PTPRN: variants seen among roughly 807,000 people sequenced by gnomAD.
The protein encoded by PTPRN is protein tyrosine phosphatase receptor type N.
In PTPRN, 70 loss-of-function variants were observed where a neutral mutation model predicts 108.5. The observed-to-expected ratio is 0.65, with a 90% CI of 0.53 to 0.79. The LOEUF (loss-of-function observed/expected upper bound fraction) is 0.79, where lower values mean the gene tolerates loss of function less well. Ranked by LOEUF, PTPRN falls within the 30% of genes least tolerant of loss-of-function variation. The pLI is 0.00. For missense variants in PTPRN, 1,136 were observed against 1,295.5 expected (o/e 0.88, Z 1.89); for synonymous variants, 496 against 524.6 (o/e 0.95, Z 0.75).
In PTPRN at chr2:219,297,178, G is replaced by C. The variant is rs368295926; in HGVS notation, c.2089-46C>G. 11 of 1,611,202 alleles carry C rather than the reference G, an allele frequency of 6.8e-6. No homozygotes were observed. The highest frequency in any genetic ancestry group is 9.3e-6 in the Non-Finnish European group (11 of 1,178,194). Reference sequence around the variant, plus strand: ...GGCTCTGGCCCACACAGCCAGCCTGGCCTCTCTCACCATCCCATTCCTTCA... The same window carrying C: ...GGCTCTGGCCCACACAGCCAGCCTGCCCTCTCTCACCATCCCATTCCTTCA... On this transcript the variant is annotated intron_variant, in intron 14 of 22. Coordinates refer to ENST00000295718, the MANE Select transcript of PTPRN (RefSeq NM_002846.4). The surrounding 1 kb of genome is among the most constrained non-coding windows in gnomAD (Gnocchi z 6.0).
intron 19 of PTPRN, chr2:219,294,164 A>G (rs773474391): frequency 7.6e-6 from 4 of 525,956 alleles, no homozygotes; most frequent in South Asian, 5.7e-5. Context: ...TGAGAATACT[A>G]GCTGCAGATC....
rs370263020 is a variant in PTPRN, at chr2:219,300,277, G to A, written c.1162-18C>T. The A allele has an allele frequency of 1.2e-4, 192 of 1,543,516 alleles. No individual in the cohort carries two copies. The highest frequency in any genetic ancestry group is 1.6e-4 in the Non-Finnish European group (188 of 1,144,374). ...TCCATTGTCTGTTCAGAAGAGGGTG[G>A]AGGTGTGGCCTCTGGACAGTGCTGG... is the stretch of plus-strand genomic sequence containing the variant. On this transcript the variant is annotated intron_variant, in intron 8 of 22. Coordinates refer to ENST00000295718, the MANE Select transcript of PTPRN (RefSeq NM_002846.4).
Position 219,299,391 on chromosome 2 carries a change from G to C in PTPRN, c.1524-7C>G. ...GAGGGCTGGTCCCACCACACTGCCAGATAGGAGCTATGTTACTGCCTTCTC... is the reference window on the plus strand; with the variant it reads ...GAGGGCTGGTCCCACCACACTGCCACATAGGAGCTATGTTACTGCCTTCTC... On this transcript the variant is annotated splice_region_variant and splice_polypyrimidine_tract_variant and intron_variant, in intron 10 of 22. Coordinates refer to ENST00000295718, the MANE Select transcript of PTPRN (RefSeq NM_002846.4). The C allele has an allele frequency of 6.2e-7, 1 of 1,613,982 alleles. No homozygotes were observed. Among genetic ancestry groups the C allele is most frequent in the Non-Finnish European group, 8.5e-7 (1 of 1,179,792 alleles).
At position 219,309,315 on chromosome 2, in the gene PTPRN, C is replaced by A; in HGVS notation, c.18G>T (p.Arg6=). 1 of 1,485,872 alleles carries A rather than the reference C, an allele frequency of 6.7e-7. No individual in the cohort carries two copies. The allele number at this position is 1,485,872 out of a possible 1,614,324, so 92.0% of individuals were successfully genotyped here. A position where few individuals can be genotyped will look rare whatever the true frequency, so the allele number is the denominator to read the frequency against. Residue 6 remains arginine (R), a synonymous_variant, in exon 1 of 23, where the codon CGG becomes CGT. Coordinates refer to ENST00000295718, the MANE Select transcript of PTPRN (RefSeq NM_002846.4). ...CCCCGGATCCCCCGAGACCCCCAGG[C>A]CGCCGCGGGCGCCGCATCTTTCCGA... is the stretch of plus-strand genomic sequence containing the variant. MRRPR[R]PGGLGGSGGL... is the part of the protein sequence containing the mutation.
At chr2:219,298,218 G>T in intron 12 of PTPRN, 115 bp from the exon 13 acceptor site, 1 of 965,026 alleles carries the variant, frequency 1.0e-6, no homozygotes, top group Non-Finnish European at 1.6e-6. Context: ...GGGCAAAGCT[G>T]GGAGATTAGG....
rs533354068 is a variant in PTPRN at position 219,304,555 on chromosome 2, A to G, written c.281-724T>C. On this transcript the variant is annotated intron_variant, in intron 3 of 22. Transcript: ENST00000295718. ...CTAAAGGAATAATTTCCCACTTTTCACCCTCATTTTTTCTTCTCTAGTTCT... is the reference window on the plus strand; with the variant it reads ...CTAAAGGAATAATTTCCCACTTTTCGCCCTCATTTTTTCTTCTCTAGTTCT... Among the ~76,000 whole-genome samples, 51 of 150,990 alleles carry G rather than the reference A, an allele frequency of 3.4e-4. No homozygotes were observed. The South Asian group carries it at 5.0e-3, about 15-fold the overall frequency.
intron 19 of PTPRN, chr2:219,294,228 G>A (rs750226581): frequency 8.6e-6 from 4 of 466,192 alleles, no homozygotes; most frequent in Non-Finnish European, 1.8e-5. Flanking sequence ...GAAGAAGGGA[G>A]AGGGAAGGAC....
intron 18 of PTPRN, chr2:219,295,633 T>C (rs112728964): frequency 7.2e-4 from 112 of 154,690 alleles, no homozygotes; most frequent in African/African-American, 1.9e-3. Flanking sequence ...GTTCTCCCAT[T>C]TGTCTGAAAT....
chr2:219,307,947 A>C, intron 1 of PTPRN, 105 bp from the exon 2 acceptor site: 1 of 1,153,180 alleles, frequency 8.7e-7, no homozygotes. Context: ...TTATTCTTTC[A>C]TTCTAAAGAA....
rs1252368878 is a variant in PTPRN at position 219,289,821 on chromosome 2, GGGGAGCC to G, written c.*398_*404del. The G allele has an allele frequency of 1.7e-5, 3 of 180,752 alleles. No homozygotes were observed. Among genetic ancestry groups the G allele is most frequent in the African/African-American group, 7.1e-5 (3 of 42,292 alleles). The allele number at this position is 180,752 out of a possible 1,614,324, so 11.2% of individuals were successfully genotyped here. ...AGGCAGGCCCGGGGCTGAGAAGCAG[GGGGAGCC>G]GGGTGTGGCGACCCTCCACCCCATT... is the stretch of plus-strand genomic sequence containing the variant. On this transcript the variant is annotated 3_prime_UTR_variant, in exon 23 of 23. Transcript: ENST00000295718.
rs1952389122 is a variant in PTPRN at position 219,302,778 on chromosome 2, G to A, written c.437C>T (p.Pro146Leu). The change falls in exon 5 of 23, where the codon CCC becomes CTC. Residue 146 changes from proline to leucine, a missense_variant. By Grantham distance (98) the Pro-to-Leu change is moderately conservative. Coordinates refer to ENST00000295718, the MANE Select transcript of PTPRN (RefSeq NM_002846.4). Reference protein sequence around the residue: ...PAGELLLQDIPTGSAPAAQHR... With the variant: ...PAGELLLQDILTGSAPAAQHR... ...CTGGGCAGCAGGGGCGGAGCCAGTG[G>A]GGATGTCCTGTAAAAGCAGCTCTCC... The A allele has an allele frequency of 6.2e-7, 1 of 1,613,660 alleles. No homozygotes were observed. The highest frequency in any genetic ancestry group is 1.7e-5 in the Admixed American group (1 of 59,890).
rs138694937 is a variant in PTPRN, at chr2:219,307,819, A to C, written c.139T>G (p.Cys47Gly). 1 of 1,614,198 alleles carries C rather than the reference A, an allele frequency of 6.2e-7. No individual in the cohort carries two copies. The highest frequency in any genetic ancestry group is 8.5e-7 in the Non-Finnish European group (1 of 1,180,018). Residue 47 changes from cysteine (C) to glycine (G), a missense_variant, in exon 2 of 23, where the codon TGC (cysteine) becomes GGC (glycine). Transcript: ENST00000295718. Reference sequence around the variant, plus strand: ...TGAATACAGACTTCCAGGTGAGAGCAGAGCCTGCGGTCAAATAGACAGCCT... The same window carrying C: ...TGAATACAGACTTCCAGGTGAGAGCCGAGCCTGCGGTCAAATAGACAGCCT... The part of the protein sequence containing the change: ...AHGCLFDRRL[C>G]SHLEVCIQDG...
chr2:219,307,979 T>G (rs1952526207), intron 1 of PTPRN, 137 bp from the exon 2 acceptor site: 1 of 801,962 alleles, frequency 1.2e-6, no homozygotes, highest in East Asian at 2.5e-5. Context: ...GGGAGGAGAG[T>G]AGGAATCAGG....
chr2:219,299,863 G>A, intron 9 of PTPRN, 77 bp from the exon 10 acceptor site: 2 of 1,552,854 alleles, frequency 1.3e-6, no homozygotes, highest in South Asian at 1.2e-5. Flanking sequence ...CCACTCCAGG[G>A]GTACAGAGCA....
chr2:219,300,308 G>T (rs773869278), intron 8 of PTPRN, 49 bp from the exon 9 acceptor site: 30 of 1,503,448 alleles, frequency 2.0e-5, no homozygotes, highest in Middle Eastern at 4.8e-4. Flanking sequence ...GCTGGGGGAA[G>T]GGGTACCCTG....
At chr2:219,303,682 CCA>C in intron 4 of PTPRN, 51 bp downstream of exon 4, 1 of 1,529,708 alleles carries the variant, frequency 6.5e-7, no homozygotes, top group Non-Finnish European at 9.0e-7. Flanking sequence ...ATTAGGACAA[CCA>C]CAGATTCATC....
At chr2:219,300,301 G>T in intron 8 of PTPRN, 42 bp from the exon 9 acceptor site, 6 of 1,511,082 alleles carry the variant, frequency 4.0e-6, no homozygotes, top group Non-Finnish European at 5.3e-6. Flanking sequence ...GGACAGTGCT[G>T]GGGGAAGGGG....
chr2:219,290,902 G>A lies in PTPRN; in HGVS notation c.2730-12C>T, dbSNP rs1952038857. On this transcript the variant is annotated splice_polypyrimidine_tract_variant and intron_variant, in intron 20 of 22. Coordinates refer to ENST00000295718, the MANE Select transcript of PTPRN (RefSeq NM_002846.4). This position sits in a 1 kb window ranked among gnomAD's most constrained non-coding sequence, Gnocchi z 4.2. ...TCCCCGCACCATCACTGAAACAGGA[G>A]TTAGTGACAGGTTTAGCTTGAGATG... 4 of 1,612,520 alleles carry A rather than the reference G, an allele frequency of 2.5e-6. No individual in the cohort carries two copies. The highest frequency in any genetic ancestry group is 3.4e-6 in the Non-Finnish European group (4 of 1,178,636).
rs764107840 is a variant in PTPRN, at chr2:219,303,717, T to C, written c.377+18A>G. 1.9e-6 allele frequency: 3 copies of C among 1,600,874 alleles called. No homozygotes were observed. Among genetic ancestry groups the C allele is most frequent in the Non-Finnish European group, 2.6e-6 (3 of 1,168,242 alleles). Reference sequence around the variant, plus strand: ...ATCAGCCTCACCATTGCTAGAGTTGTAGAGAAAGGCTGCCTACCTGTCCCT... The same window carrying C: ...ATCAGCCTCACCATTGCTAGAGTTGCAGAGAAAGGCTGCCTACCTGTCCCT... On this transcript the variant is annotated intron_variant, in intron 4 of 22. Transcript: ENST00000295718.
Sources: allele counts gnomAD v4.1 joint callset (sites outside exome capture counted in the v4.1 genomes callset), GRCh38; gene constraint gnomAD v4.1.1; non-coding constraint Gnocchi (gnomAD v3.1); transcripts MANE v1.5; gene names NCBI Gene and HGNC (gene_info 2026-07-23, HGNC 2026-07-21).